Variants in ZACN observed in about 807,000 individuals in gnomAD.
ZACN encodes the protein ligand-gated cation channel ZACN.
A neutral mutation model predicts 38.9 loss-of-function variants in ZACN; 52 were observed. The observed-to-expected ratio is 1.34, with a 90% CI of 1.07 to 1.68. ZACN has a LOEUF of 1.68. Ranked by LOEUF, ZACN falls within the 40% of genes most tolerant of loss-of-function variation. ZACN has a pLI of 0.00. For synonymous variants in ZACN, 235 were observed against 227.4 expected (o/e 1.03, Z -0.30); for missense variants, 559 against 525.6 (o/e 1.06, Z -0.62).
chr17:76,080,168 C>A, intron 4 of ZACN, 87 bp from the exon 5 acceptor site: 2 of 1,501,934 alleles, frequency 1.3e-6, no homozygotes, highest in Non-Finnish European at 8.9e-7. Context: ...CTGAAAGCAG[C>A]TGGGGTTGGG....
chr17:76,080,382 C>G lies in ZACN; in HGVS notation c.502C>G (p.His168Asp), dbSNP rs1239163666. 3.1e-6 allele frequency: 5 copies of G among 1,614,152 alleles called. No homozygotes were observed. Among genetic ancestry groups the G allele is most frequent in the East Asian group, 2.2e-5 (1 of 44,874 alleles). Residue 168 changes from histidine (H) to aspartate (D), a missense_variant, in exon 5 of 9, where the codon CAC (histidine) becomes GAC (aspartate). Transcript: ENST00000334586. ...NFELLHFPRDHSNCSLSFYAL... is the reference protein window; with the variant it reads ...NFELLHFPRDDSNCSLSFYAL... The stretch of plus-strand genomic sequence containing the variant: ...TGAGCTCCTCCACTTCCCCCGGGAC[C>G]ACAGCAACTGCAGCCTCAGCTTCTA...
chr17:76,082,099 G>A (rs2067008457), intron 8 of ZACN, 50 bp downstream of exon 8: 1 of 1,531,784 alleles, frequency 6.5e-7, no homozygotes, highest in Non-Finnish European at 8.8e-7. Flanking sequence ...CACACCTAGG[G>A]CTGGGGTGAG....
At chr17:76,080,112 G>A in intron 4 of ZACN, 118 bp downstream of exon 4, 1 of 1,463,166 alleles carries the variant, frequency 6.8e-7, no homozygotes, top group South Asian at 1.3e-5. Flanking sequence ...CGCCGGACTA[G>A]CAGTGCACCT....
At position 76,082,752 on chromosome 17, in the gene ZACN, C is replaced by T; in HGVS notation, c.*99C>T. 1 of 1,169,776 alleles carries T rather than the reference C, an allele frequency of 8.5e-7. No individual in the cohort carries two copies. The highest frequency in any genetic ancestry group is 1.2e-6 in the Non-Finnish European group (1 of 854,790). 72.5% of individuals were successfully genotyped at this position (1,169,776 alleles called of 1,614,324 possible). A position where few individuals can be genotyped will look rare whatever the true frequency, so the allele number is the denominator to read the frequency against. On this transcript the variant is annotated 3_prime_UTR_variant, in exon 9 of 9. Transcript: ENST00000334586. ...CCTCTGGATTAAGCCACCCTGAGCT[C>T]TCCCTCCGCTAGCACACAAGCACAG...
rs771757981 is a variant in ZACN at position 76,079,879 on chromosome 17, T to C, written c.268-9T>C. On this transcript the variant is annotated splice_polypyrimidine_tract_variant and intron_variant, in intron 3 of 8. Transcript: ENST00000334586. Reference sequence around the variant, plus strand: ...AGCAGGAGCCTCAGTGGTGCCCTTGTGTCCCCAGTCCTGGCTGGACACTCG... The same window carrying C: ...AGCAGGAGCCTCAGTGGTGCCCTTGCGTCCCCAGTCCTGGCTGGACACTCG... 2.5e-6 allele frequency: 4 copies of C among 1,588,574 alleles called. No homozygotes were observed. Among genetic ancestry groups the C allele is most frequent in the Non-Finnish European group, 3.4e-6 (4 of 1,166,970 alleles).
rs767300626 is a variant in ZACN at position 76,082,449 on chromosome 17, A to ATCTC, written c.1049-11_1049-8dup. On this transcript the variant is annotated splice_polypyrimidine_tract_variant and intron_variant, in intron 8 of 8. Coordinates refer to ENST00000334586, the MANE Select transcript of ZACN (RefSeq NM_180990.4). Reference sequence around the variant, plus strand: ...CTTGAAGAACAGCTCCTTTCCCTGTATCTCTCCCCACAGAGCCCTCCAGAG... The same window carrying ATCTC: ...CTTGAAGAACAGCTCCTTTCCCTGTATCTCTCTCTCCCCACAGAGCCCTCCAGAG... 1 of 1,589,794 alleles carries ATCTC rather than the reference A, an allele frequency of 6.3e-7. No homozygotes were observed. The highest frequency in any genetic ancestry group is 8.6e-7 in the Non-Finnish European group (1 of 1,167,208).
chr17:76,082,129 G>A, intron 8 of ZACN, 80 bp downstream of exon 8: 1 of 1,477,622 alleles, frequency 6.8e-7, no homozygotes, highest in East Asian at 2.5e-5. Flanking sequence ...GTCCAGGTGT[G>A]GGTAGAGGCC....
At chr17:76,080,458 G>A in intron 5 of ZACN, 34 bp downstream of exon 5, 4 of 1,610,288 alleles carry the variant, frequency 2.5e-6, no homozygotes, top group Non-Finnish European at 3.4e-6. Context: ...GGGTTGAGGA[G>A]GGGAGGAGGA....
chr17:76,082,064 G>A lies in ZACN; in HGVS notation c.1048+15G>A, dbSNP rs769275133. 43 of 1,591,294 alleles carry A rather than the reference G, an allele frequency of 2.7e-5. No homozygotes were observed. Among genetic ancestry groups the A allele is most frequent in the Non-Finnish European group, 3.6e-5 (42 of 1,170,264 alleles). On this transcript the variant is annotated intron_variant, in intron 8 of 8. Transcript: ENST00000334586. The stretch of plus-strand genomic sequence containing the variant: ...TCCTGCTGAAGGTGGGCAGGGGCTG[G>A]GGGGTAAGGAATGAGGCCTAGGTGC...
At position 76,079,913 on chromosome 17, in the gene ZACN, G is replaced by A; in HGVS notation, c.293G>A (p.Trp98Ter). The A allele has an allele frequency of 1.3e-6, 2 of 1,599,552 alleles. No homozygotes were observed. The highest frequency in any genetic ancestry group is 1.7e-6 in the Non-Finnish European group (2 of 1,173,010). ...RLSWLDTRLA[W>*]NTSAHPRHAI... is the part of the protein sequence containing the mutation. ...TCCTGGCTGGACACTCGCCTGGCCT[G>A]GAACACTAGTGCACACCCGCGGCAC... Residue 98 changes from tryptophan to a stop codon, truncating the protein, a stop_gained, in exon 4 of 9, where the codon TGG becomes TAG. Coordinates refer to ENST00000334586, the MANE Select transcript of ZACN (RefSeq NM_180990.4). LOFTEE classifies it high-confidence loss of function.
At chr17:76,082,245 C>A in intron 8 of ZACN, 196 bp downstream of exon 8, 1 of 783,638 alleles carries the variant, frequency 1.3e-6, no homozygotes, top group Middle Eastern at 3.8e-4. Context: ...TCCCTGAAGT[C>A]CCAGGTGACC....
Position 76,081,419 on chromosome 17 carries a change from G to A in ZACN, c.669+17G>A. ...CAGGTGACGGTGAGTCAAGTCGGGA[G>A]GAGGCCGACAGAGGGCTGCTGGAGG... On this transcript the variant is annotated intron_variant, in intron 6 of 8. Transcript: ENST00000334586. 6.2e-7 allele frequency: 1 copy of A among 1,613,896 alleles called. No individual in the cohort carries two copies. The highest frequency in any genetic ancestry group is 2.2e-5 in the East Asian group (1 of 44,884).
intron 1 of ZACN, 26 bp from the exon 2 acceptor site, chr17:76,079,403 TAGGGCACCTG>T (rs1359289272): frequency 5.6e-6 from 9 of 1,614,000 alleles, no homozygotes; most frequent in Middle Eastern, 3.3e-4. Context: ...ACTTGGGCCC[TAGGGCACCTG>T]AGTGACCTTG....
intron 8 of ZACN, 191 bp downstream of exon 8, chr17:76,082,240 G>C: frequency 1.2e-6 from 1 of 805,804 alleles, no homozygotes; most frequent in Non-Finnish European, 1.9e-6. Flanking sequence ...GAGCCTCCCT[G>C]AAGTCCCAGG....
chr17:76,080,015 C>T (rs981564472), intron 4 of ZACN, 21 bp downstream of exon 4: 21 of 1,553,532 alleles, frequency 1.4e-5, no homozygotes, highest in Non-Finnish European at 1.8e-5. Flanking sequence ...CAGTTCCTGC[C>T]CCAGGAATCT....
chr17:76,082,199 G>A, intron 8 of ZACN, 150 bp downstream of exon 8: 1 of 1,046,024 alleles, frequency 9.6e-7, no homozygotes, highest in Middle Eastern at 3.1e-4. Context: ...TCCTCCCTTA[G>A]AAGAAACAGG....
Position 76,079,564 on chromosome 17 carries a change from G to T in ZACN, c.222+1G>T, listed in dbSNP as rs1232625139. 4 of 1,614,104 alleles carry T rather than the reference G, an allele frequency of 2.5e-6. No homozygotes were observed. The highest frequency in any genetic ancestry group is 1.7e-5 in the Admixed American group (1 of 60,010). ...GTTTGTCTCCAACGTGTTTAATGTG[G>T]TAAGTGCCTCTAGGCCAAGGGCCCC... On this transcript the variant is annotated splice_donor_variant, in intron 2 of 8. Coordinates refer to ENST00000334586, the MANE Select transcript of ZACN (RefSeq NM_180990.4). LOFTEE classifies it high-confidence loss of function.
Position 76,079,923 on chromosome 17 carries a change from T to G in ZACN, c.303T>G (p.Ser101Arg), listed in dbSNP as rs2066923003. Residue 101 changes from serine (S) to arginine (R), a missense_variant, in exon 4 of 9, where the codon AGT (serine) becomes AGG (arginine). Transcript: ENST00000334586. ...WLDTRLAWNT[S>R]AHPRHAITLP... is the part of the protein sequence containing the mutation. ...ACACTCGCCTGGCCTGGAACACTAG[T>G]GCACACCCGCGGCACGCCATCACGC... 6.2e-7 allele frequency: 1 copy of G among 1,600,472 alleles called. No individual in the cohort carries two copies.
chr17:76,082,589 C>G lies in ZACN; in HGVS notation c.1175C>G (p.Ala392Gly), dbSNP rs544761799. 7.9e-5 allele frequency: 128 copies of G among 1,613,662 alleles called. No individual in the cohort carries two copies. In the South Asian group the frequency reaches 1.3e-3, roughly 17 times the overall value. ...GTCTTTGCAGGAATCTGGATGTGGG[C>G]AGCGTGCAAGTCTGACGCAGCCCCT... ...QFVFAGIWMW[A>G]ACKSDAAPGE... Residue 392 changes from alanine (A) to glycine (G), a missense_variant, in exon 9 of 9, where the codon GCA becomes GGA. Coordinates refer to ENST00000334586, the MANE Select transcript of ZACN (RefSeq NM_180990.4).
Sources: gnomAD v4.1 joint callset for allele counts on GRCh38, gnomAD v4.1.1 for gene constraint, MANE v1.5 for transcripts, NCBI Gene and HGNC (gene_info 2026-07-23, HGNC 2026-07-21) for gene names.